CCDC12: variants seen among roughly 807,000 people sequenced by gnomAD.
CCDC12 encodes the protein coiled-coil domain containing 12.
In CCDC12, 28 loss-of-function variants were observed where a neutral mutation model predicts 25.7. The ratio of observed to expected loss-of-function variants is 1.09; its 90% CI spans 0.81 to 1.50. CCDC12 has a LOEUF of 1.50. CCDC12 is among the 40% of genes most tolerant of loss of function. The pLI is 0.00. For synonymous variants in CCDC12, 75 were observed against 87.7 expected, an observed-to-expected ratio of 0.86 and a Z score of 0.81; for missense variants, 198 against 210.0, an observed-to-expected ratio of 0.94 and a Z score of 0.35.
At chr3:46,963,487 G>A (rs879721919) in intron 1 of CCDC12, among the ~76,000 whole-genome samples, 18 of 151,574 alleles carry the variant, frequency 1.2e-4, no homozygotes, top group Admixed American at 3.3e-4. Context: ...CTCTTTCCAC[G>A]GTCTCCCTCT....
upstream of CCDC12, chr3:46,979,909 G>C: frequency 2.3e-6 from 1 of 427,108 alleles, no homozygotes; most frequent in African/African-American, 2.1e-5. Context: ...TCTACTACGC[G>C]CAGGTGAGCC....
At position 46,974,776 on chromosome 3, in the gene CCDC12, C is replaced by A. The variant is rs117823234; in HGVS notation, c.96+1861G>T. Among the ~76,000 whole-genome samples the A allele has an allele frequency of 2.0e-5, 3 of 152,340 alleles. No individual in the cohort carries two copies. The East Asian group carries it at 5.8e-4, about 29-fold the overall frequency. ...CTGACAGGTCTAGCTATTTAACATT[C>A]TTTTACTTCACACACTGAAGGACAC... On this transcript the variant is annotated intron_variant, in intron 1 of 6. Coordinates refer to ENST00000683445, the MANE Select transcript of CCDC12 (RefSeq NM_001277074.2).
upstream of CCDC12, chr3:46,979,896 TG>T: frequency 4.3e-6 from 2 of 460,640 alleles, no homozygotes; most frequent in Non-Finnish European, 3.9e-6. Context: ...GAGTTGTGGC[TG>T]CTCTACTACG....
At chr3:46,929,957 G>C (rs367970949) in intron 2 of CCDC12, among the ~76,000 whole-genome samples, 7 of 150,032 alleles carry the variant, frequency 4.7e-5, no homozygotes, top group African/African-American at 1.7e-4. Context: ...CTTGAACCTG[G>C]GAGGCAGAGG....
intron 1 of CCDC12, among the ~76,000 whole-genome samples, chr3:46,969,535 C>CACTCCCCGT (rs2034739211): frequency 6.6e-6 from 1 of 152,194 alleles, no homozygotes. Flanking sequence ...ACCTGGCCCG[C>CACTCCCCGT]ACTCCCATTT....
chr3:46,933,979 G>C (rs1355098160), intron 2 of CCDC12, among the ~76,000 whole-genome samples: 2 of 151,904 alleles, frequency 1.3e-5, no homozygotes, highest in East Asian at 3.9e-4. Context: ...GAGTGCAGTG[G>C]AGCAATCTCG....
In CCDC12 at chr3:46,922,540, C is replaced by T. The variant is rs138539435; in HGVS notation, c.342-228G>A. On this transcript the variant is annotated intron_variant, in intron 5 of 6. Transcript: ENST00000683445. ...GGGGGACTAGCATCACAAACCCACC[C>T]AACACAAGGGACTGAGCTAAGGCAA... 1.8e-3 allele frequency: 1,054 copies of T among 594,600 alleles called. 9 individuals are homozygous for T. The highest frequency in any genetic ancestry group is 0.015 in the African/African-American group (805 of 53,806). The allele number at this position is 594,600 out of a possible 1,614,324, so 36.8% of individuals were successfully genotyped here. A position where few individuals can be genotyped will look rare whatever the true frequency, so the allele number is the denominator to read the frequency against.
At chr3:46,939,353 G>A (rs931950533) in intron 2 of CCDC12, among the ~76,000 whole-genome samples, 1 of 151,908 alleles carries the variant, frequency 6.6e-6, no homozygotes, top group African/African-American at 2.4e-5. Flanking sequence ...CTCTCTCATC[G>A]AGGAGGGGGA....
At position 46,934,523 on chromosome 3, in the gene CCDC12, C is replaced by A. The variant is rs73831412; in HGVS notation, c.164+6475G>T. 2.4e-3 allele frequency among the ~76,000 whole-genome samples: 372 copies of A among 152,300 alleles called. 3 individuals carry two copies. Among genetic ancestry groups the A allele is most frequent in the African/African-American group, 8.6e-3 (358 of 41,562 alleles). On this transcript the variant is annotated intron_variant, in intron 2 of 6. Coordinates refer to ENST00000683445, the MANE Select transcript of CCDC12 (RefSeq NM_001277074.2). ...ATTAGTCCCAGAACAGAGGTGAAGACTTCATAAGAGGGGCTTTGGAAGCTG... is the reference window on the plus strand; with the variant it reads ...ATTAGTCCCAGAACAGAGGTGAAGAATTCATAAGAGGGGCTTTGGAAGCTG...
chr3:46,945,709 T>C (rs941127112), intron 1 of CCDC12, among the ~76,000 whole-genome samples: 1 of 152,258 alleles, frequency 6.6e-6, no homozygotes, highest in Non-Finnish European at 1.5e-5. Flanking sequence ...AGATTTTCTA[T>C]TTCTTCTCCA....
At chr3:46,936,826 G>GTT (rs2033461995) in intron 2 of CCDC12, among the ~76,000 whole-genome samples, 2 of 152,210 alleles carry the variant, frequency 1.3e-5, no homozygotes, top group Non-Finnish European at 2.9e-5. Context: ...GAGGCAGATG[G>GTT]ACCCTGCTCT....
chr3:46,954,783 G>A lies in CCDC12; in HGVS notation c.97-13718C>T, dbSNP rs1373365847. ...TACTAAAAATACAAAAATTAGCTGG[G>A]CATGGTGGCGGGCACCTGTAGTCCC... On this transcript the variant is annotated intron_variant, in intron 1 of 6. Coordinates refer to ENST00000683445, the MANE Select transcript of CCDC12 (RefSeq NM_001277074.2). Among the ~76,000 whole-genome samples, 3 of 152,124 alleles carry A rather than the reference G, an allele frequency of 2.0e-5. No individual in the cohort carries two copies. The East Asian group carries it at 5.8e-4, about 29-fold the overall frequency.
chr3:46,946,098 A>C (rs1490963850), intron 1 of CCDC12, among the ~76,000 whole-genome samples: 23 of 152,206 alleles, frequency 1.5e-4, no homozygotes. Context: ...GTCAATCAAC[A>C]ACCAGGCCTA....
intron 1 of CCDC12, among the ~76,000 whole-genome samples, chr3:46,955,553 G>A (rs2034264716): frequency 6.6e-6 from 1 of 152,094 alleles, no homozygotes; most frequent in Non-Finnish European, 1.5e-5. Flanking sequence ...GGAATGTCAG[G>A]GTCACTAGAA....
chr3:46,936,713 A>G (rs2033455566), intron 2 of CCDC12, among the ~76,000 whole-genome samples: 2 of 152,206 alleles, frequency 1.3e-5, no homozygotes, highest in Non-Finnish European at 2.9e-5. Flanking sequence ...CTAAGTCCCT[A>G]AATTAAAGCA....
intron 1 of CCDC12, among the ~76,000 whole-genome samples, chr3:46,957,715 G>A (rs1453894392): frequency 1.3e-5 from 2 of 152,102 alleles, no homozygotes; most frequent in East Asian, 1.9e-4. Flanking sequence ...GCCAAGGTGG[G>A]TGGATCACCT....
chr3:46,959,431 G>A (rs1253419127), intron 1 of CCDC12, among the ~76,000 whole-genome samples: 1 of 152,188 alleles, frequency 6.6e-6, no homozygotes, highest in Non-Finnish European at 1.5e-5. Context: ...TCCTCAGTCA[G>A]TAGGCGCCAA....
chr3:46,947,245 A>G (rs2033941927), intron 1 of CCDC12, among the ~76,000 whole-genome samples: 1 of 152,250 alleles, frequency 6.6e-6, no homozygotes, highest in Non-Finnish European at 1.5e-5. Flanking sequence ...AGGGTGGGGA[A>G]AAAAGCAAAA....
chr3:46,951,779 C>CAAAA (rs1198903085), intron 1 of CCDC12, among the ~76,000 whole-genome samples: 5 of 13,656 alleles, frequency 3.7e-4, no homozygotes, highest in South Asian at 0.017. Flanking sequence ...GACTCCGTCT[C>CAAAA]AAAAAAAAAA....
Sources: allele counts gnomAD v4.1 joint callset (sites outside exome capture counted in the v4.1 genomes callset), GRCh38; gene constraint gnomAD v4.1.1; transcripts MANE v1.5; gene names NCBI Gene and HGNC (gene_info 2026-07-23, HGNC 2026-07-21).